UBE2QL1: variants seen among roughly 807,000 people sequenced by gnomAD.
UBE2QL1 encodes ubiquitin conjugating enzyme E2 QL1.
In UBE2QL1, 5 loss-of-function variants were observed where a neutral mutation model predicts 12.6. The observed-to-expected ratio is 0.40, with a 90% confidence interval of 0.21 to 0.83. The LOEUF (loss-of-function observed/expected upper bound fraction) is 0.83, where lower values mean the gene tolerates loss of function less well. UBE2QL1 is among the 40% of genes least tolerant of loss of function. The pLI, the probability that UBE2QL1 is intolerant of heterozygous loss-of-function variation, is 0.37. For synonymous variants in UBE2QL1, 96 were observed against 94.5 expected, an observed-to-expected ratio of 1.02 and a Z score of -0.10; for missense variants, 99 against 222.6, an observed-to-expected ratio of 0.44 and a Z score of 3.53.
At chr5:6,469,589 C>T (rs1047555784) in intron 1 of UBE2QL1, among the ~76,000 whole-genome samples, 6 of 146,026 alleles carry the variant, frequency 4.1e-5, no homozygotes, top group African/African-American at 7.5e-5. Context: ...TATATATATA[C>T]ACACACACAC....
chr5:6,485,641 A>G (rs1466830983), intron 1 of UBE2QL1, among the ~76,000 whole-genome samples: 5 of 152,244 alleles, frequency 3.3e-5, no homozygotes, highest in Non-Finnish European at 5.9e-5. Context: ...TTGAAAAACA[A>G]GTAGCAGCTC....
rs1338482143 is a variant in UBE2QL1, at chr5:6,493,929, C to A, written c.*2580C>A. ...TGGAGCCCAGGGTGAGAAGGAGAGG[C>A]CTGAAGCCTGGGGCCACGTTCCCAC... On this transcript the variant is annotated 3_prime_UTR_variant, in exon 2 of 2. Coordinates refer to ENST00000399816, the MANE Select transcript of UBE2QL1 (RefSeq NM_001145161.3). 1 of 152,190 alleles carries A rather than the reference C, an allele frequency of 6.6e-6. No individual in the cohort carries two copies. The highest frequency in any genetic ancestry group is 1.5e-5 in the Non-Finnish European group (1 of 68,088). The allele number at this position is 152,190 out of a possible 1,614,324, so 9.4% of individuals were successfully genotyped here.
intron 1 of UBE2QL1, among the ~76,000 whole-genome samples, chr5:6,472,943 A>G (rs1739948567): frequency 6.6e-6 from 1 of 152,200 alleles, no homozygotes; most frequent in Admixed American, 6.5e-5. Context: ...GTGAGCTGCC[A>G]GGTAGACACC....
Position 6,495,633 on chromosome 5 carries a change from G to A in UBE2QL1, c.*4284G>A, listed in dbSNP as rs542317967. On this transcript the variant is annotated 3_prime_UTR_variant, in exon 2 of 2. Transcript: ENST00000399816. ...GTTGCAAGTCTTCCAAGCCAGCTGAGAAACACCCACAGGATCCATTCTGTG... is the reference window on the plus strand; with the variant it reads ...GTTGCAAGTCTTCCAAGCCAGCTGAAAAACACCCACAGGATCCATTCTGTG... 4.8e-4 allele frequency among the ~76,000 whole-genome samples: 73 copies of A among 152,220 alleles called. No individual in the cohort carries two copies. The highest frequency in any genetic ancestry group is 1.7e-3 in the Admixed American group (26 of 15,284).
At chr5:6,464,130 T>C (rs1310538645) in intron 1 of UBE2QL1, among the ~76,000 whole-genome samples, 2 of 152,102 alleles carry the variant, frequency 1.3e-5, no homozygotes, top group Non-Finnish European at 2.9e-5. Context: ...ATATTGAGAA[T>C]TACGTAATTA....
At chr5:6,455,824 A>G (rs1017347634) in intron 1 of UBE2QL1, among the ~76,000 whole-genome samples, 1 of 148,684 alleles carries the variant, frequency 6.7e-6, no homozygotes, top group Non-Finnish European at 1.5e-5. Context: ...CAACCTCCCC[A>G]CCCCACCTGG....
At chr5:6,488,708 G>A (rs1402598352) in intron 1 of UBE2QL1, among the ~76,000 whole-genome samples, 2 of 151,740 alleles carry the variant, frequency 1.3e-5, no homozygotes, top group Non-Finnish European at 2.9e-5. Flanking sequence ...GCTGAGGCAG[G>A]AGGATCTCTT....
chr5:6,455,344 G>A (rs1739498289), intron 1 of UBE2QL1, among the ~76,000 whole-genome samples: 2 of 152,246 alleles, frequency 1.3e-5, no homozygotes, highest in South Asian at 4.1e-4. Context: ...CCATGTCAGA[G>A]GCAGATAAGA....
chr5:6,453,765 C>T (rs1368452795), intron 1 of UBE2QL1, among the ~76,000 whole-genome samples: 1 of 152,126 alleles, frequency 6.6e-6, no homozygotes, highest in Non-Finnish European at 1.5e-5. Context: ...TTCCAAAATA[C>T]TAGGCCTAGA....
In UBE2QL1 at chr5:6,491,477, A is replaced by AGACGTTTAAGTTATTTTTC. The variant is rs1400148875; in HGVS notation, c.*144_*145insTTCGACGTTTAAGTTATTT. ...CAGAACTGCATCCTGAATGCCCAGG[A>AGACGTTTAAGTTATTTTTC]GACGTTTAAGTTATTTATGAAAAGA... On this transcript the variant is annotated 3_prime_UTR_variant, in exon 2 of 2. Transcript: ENST00000399816. The AGACGTTTAAGTTATTTTTC allele has an allele frequency of 4.3e-5, 54 of 1,262,768 alleles. No homozygotes were observed. The highest frequency in any genetic ancestry group is 5.4e-5 in the Non-Finnish European group (51 of 948,736). 78.2% of individuals were successfully genotyped at this position (1,262,768 alleles called of 1,614,324 possible).
intron 1 of UBE2QL1, 32 bp downstream of exon 1, chr5:6,449,279 G>A (rs1739363845): frequency 7.4e-7 from 1 of 1,354,232 alleles, no homozygotes. Context: ...TGGGGGCGCG[G>A]GGCCGAGATC....
rs1228216043 is a variant in UBE2QL1 at position 6,481,338 on chromosome 5, C to T, written c.355-9880C>T. On this transcript the variant is annotated intron_variant, in intron 1 of 1. Coordinates refer to ENST00000399816, the MANE Select transcript of UBE2QL1 (RefSeq NM_001145161.3). The surrounding 1 kb of genome is among the most constrained non-coding windows in gnomAD (Gnocchi z 4.5). The stretch of plus-strand genomic sequence containing the variant: ...GTGGCCCACCACCTCCATCCCATCT[C>T]GCCTTGCACGCCAGGTGCTCATTAT... 2.0e-5 allele frequency among the ~76,000 whole-genome samples: 3 copies of T among 152,244 alleles called. No individual in the cohort carries two copies. The highest frequency in any genetic ancestry group is 2.1e-4 in the South Asian group (1 of 4,834).
At position 6,495,369 on chromosome 5, in the gene UBE2QL1, G is replaced by A. The variant is rs1262795889; in HGVS notation, c.*4020G>A. Among the ~76,000 whole-genome samples, 1 of 152,154 alleles carries A rather than the reference G, an allele frequency of 6.6e-6. No individual in the cohort carries two copies. The highest frequency in any genetic ancestry group is 2.4e-5 in the African/African-American group (1 of 41,436). On this transcript the variant is annotated 3_prime_UTR_variant, in exon 2 of 2. Coordinates refer to ENST00000399816, the MANE Select transcript of UBE2QL1 (RefSeq NM_001145161.3). Reference sequence around the variant, plus strand: ...TCTAAAGGGGCAGAGCTTACTTCCTGACTGTAGTGAGGGTAGAGCCACTGA... The same window carrying A: ...TCTAAAGGGGCAGAGCTTACTTCCTAACTGTAGTGAGGGTAGAGCCACTGA...
intron 1 of UBE2QL1, among the ~76,000 whole-genome samples, chr5:6,451,106 CAG>C (rs1258049249): frequency 1.3e-5 from 2 of 152,174 alleles, no homozygotes; most frequent in Admixed American, 1.3e-4. Flanking sequence ...CATTGGGGAT[CAG>C]GGGAAGAGGA....
At chr5:6,465,623 G>C (rs995084690) in intron 1 of UBE2QL1, among the ~76,000 whole-genome samples, 12 of 152,138 alleles carry the variant, frequency 7.9e-5, no homozygotes, top group Admixed American at 2.0e-4. Flanking sequence ...TCTTGGGGGG[G>C]CTCTGGGATG....
intron 1 of UBE2QL1, among the ~76,000 whole-genome samples, chr5:6,472,322 C>T (rs1264011605): frequency 1.3e-5 from 2 of 152,186 alleles, no homozygotes; most frequent in Non-Finnish European, 2.9e-5. Context: ...GGGCTTGATA[C>T]CCAGCTGTGA....
intron 1 of UBE2QL1, among the ~76,000 whole-genome samples, chr5:6,459,625 T>C (rs1249222796): frequency 6.6e-6 from 1 of 152,238 alleles, no homozygotes; most frequent in Non-Finnish European, 1.5e-5. Flanking sequence ...TATCAGAACA[T>C]GTTTTTAAAA....
chr5:6,483,750 T>C (rs1734411334), intron 1 of UBE2QL1, among the ~76,000 whole-genome samples: 1 of 152,086 alleles, frequency 6.6e-6, no homozygotes, highest in African/African-American at 2.4e-5. Context: ...AGGAGAGTCG[T>C]CATTTCCACT....
chr5:6,488,143 C>T (rs906695514), intron 1 of UBE2QL1, among the ~76,000 whole-genome samples: 1 of 152,228 alleles, frequency 6.6e-6, no homozygotes, highest in African/African-American at 2.4e-5. Flanking sequence ...CTGACTGGCT[C>T]ATAACGGGCT....
Sources: allele counts gnomAD v4.1 joint callset (sites outside exome capture counted in the v4.1 genomes callset), GRCh38; gene constraint gnomAD v4.1.1; non-coding constraint Gnocchi (gnomAD v3.1); transcripts MANE v1.5; gene names NCBI Gene and HGNC (gene_info 2026-07-23, HGNC 2026-07-21).